RBFOX1: variants seen among roughly 807,000 people sequenced by gnomAD.
The protein encoded by RBFOX1 is RNA binding fox-1 homolog 1, also known as RNA binding protein fox-1 homolog 1.
In RBFOX1, 8 loss-of-function variants were observed where a neutral mutation model predicts 57.7. The observed-to-expected ratio is 0.14, with a 90% CI of 0.08 to 0.25. RBFOX1 has a LOEUF of 0.25. Ranked by LOEUF, RBFOX1 falls within the 10% of genes least tolerant of loss-of-function variation. The probability of loss-of-function intolerance (pLI) is 1.00; values close to 1 mark genes in which losing one functional copy is unlikely to be tolerated. For synonymous variants in RBFOX1, 326 were observed against 222.4 expected (o/e 1.47, Z -4.15); for missense variants, 611 against 548.5 (o/e 1.11, Z -1.14).
At chr16:7,702,892 G>T (rs1464466585) in intron 14 of RBFOX1, among the ~76,000 whole-genome samples, 2 of 152,224 alleles carry the variant, frequency 1.3e-5, no homozygotes, top group African/African-American at 4.8e-5. Flanking sequence ...TGAGGGCAAT[G>T]AAATAGGATG....
At chr16:7,419,862 A>T (rs1372300426) in intron 4 of RBFOX1, among the ~76,000 whole-genome samples, 1 of 149,622 alleles carries the variant, frequency 6.7e-6, no homozygotes, top group Non-Finnish European at 1.5e-5. Context: ...TTCTCCACTA[A>T]TTATACCACT....
At chr16:6,611,148 T>C (rs2098044180) in intron 2 of RBFOX1, among the ~76,000 whole-genome samples, 1 of 152,094 alleles carries the variant, frequency 6.6e-6, no homozygotes, top group South Asian at 2.1e-4. Flanking sequence ...CTTTGTGTAG[T>C]TATTTTTTTG....
intron 12 of RBFOX1, among the ~76,000 whole-genome samples, chr16:7,657,505 A>AT (rs2066605086): frequency 6.6e-6 from 1 of 152,162 alleles, no homozygotes; most frequent in Non-Finnish European, 1.5e-5. Context: ...GGGTTTCACC[A>AT]TTTTGGCCAG....
intron 3 of RBFOX1, among the ~76,000 whole-genome samples, chr16:6,960,357 C>G (rs2082702131): frequency 6.6e-6 from 1 of 152,114 alleles, no homozygotes; most frequent in South Asian, 2.1e-4. Context: ...AGCTTAGAAG[C>G]TGTATAAGCT....
rs191180786 is a variant in RBFOX1, at chr16:5,351,181, C to T, written c.219+111076C>T. The stretch of plus-strand genomic sequence containing the variant: ...CAGACTGTTGACTGTATTGATAATG[C>T]CATATTGATTTATTTAACTCGACTA... On this transcript the variant is annotated intron_variant, in intron 1 of 2. Coordinates refer to the RBFOX1 transcript ENST00000585867. Among the ~76,000 whole-genome samples the T allele has an allele frequency of 6.7e-4, 102 of 152,218 alleles. 1 individual carries two copies. Among genetic ancestry groups the T allele is most frequent in the Admixed American group, 1.4e-3 (22 of 15,282 alleles).
At chr16:6,915,014 G>A (rs1167655723) in intron 3 of RBFOX1, among the ~76,000 whole-genome samples, 2 of 152,216 alleles carry the variant, frequency 1.3e-5, no homozygotes, top group Non-Finnish European at 2.9e-5. Flanking sequence ...CAGGCCCAGG[G>A]TGGTGTAAGT....
intron 3 of RBFOX1, among the ~76,000 whole-genome samples, chr16:6,986,423 T>G (rs1192791707): frequency 1.3e-5 from 2 of 151,962 alleles, no homozygotes; most frequent in Non-Finnish European, 2.9e-5. Context: ...GGTCTGGAAC[T>G]CCTGACCTCA....
At chr16:5,986,444 C>T (rs978683510) in intron 4 of RBFOX1, among the ~76,000 whole-genome samples, 1 of 152,176 alleles carries the variant, frequency 6.6e-6, no homozygotes, top group East Asian at 1.9e-4. Context: ...CAGTTTCTCC[C>T]AGTGTCAACA....
intron 1 of RBFOX1, among the ~76,000 whole-genome samples, chr16:5,347,689 C>G (rs1303862334): frequency 6.8e-6 from 1 of 148,066 alleles, no homozygotes; most frequent in Non-Finnish European, 1.5e-5. Context: ...ATCATGCACT[C>G]TCCTACCCTT....
intron 3 of RBFOX1, among the ~76,000 whole-genome samples, chr16:5,734,800 G>C (rs1005049202): frequency 6.6e-6 from 1 of 152,092 alleles, no homozygotes; most frequent in Admixed American, 6.5e-5. Context: ...GAGCTCAGTG[G>C]GAGCTCATCC....
intron 4 of RBFOX1, among the ~76,000 whole-genome samples, chr16:5,974,796 G>A (rs1022074771): frequency 1.3e-5 from 2 of 152,082 alleles, no homozygotes; most frequent in Admixed American, 6.5e-5. Flanking sequence ...ATCACCTGAG[G>A]TCGGGAGTTC....
At chr16:5,324,982 A>G (rs927591065) in intron 1 of RBFOX1, among the ~76,000 whole-genome samples, 1 of 152,212 alleles carries the variant, frequency 6.6e-6, no homozygotes, top group Non-Finnish European at 1.5e-5. Flanking sequence ...TCCCAGATCT[A>G]TCAGCAAGAT....
rs908288493 is a variant in RBFOX1 at position 6,285,259 on chromosome 16, A to C, written c.-126-31736A>C. 2.0e-5 allele frequency among the ~76,000 whole-genome samples: 3 copies of C among 152,198 alleles called. No homozygotes were observed. The East Asian group carries it at 5.8e-4, about 29-fold the overall frequency. On this transcript the variant is annotated intron_variant, in intron 1 of 15. Coordinates refer to ENST00000550418, the MANE Select transcript of RBFOX1 (RefSeq NM_018723.4). ...AAGCTTAGTAGGAAGTAGATTCTGC[A>C]TAAGCCTCCATGACAAAGGCATTTG...
chr16:5,934,559 T>C (rs1255341247), intron 4 of RBFOX1, among the ~76,000 whole-genome samples: 2 of 152,206 alleles, frequency 1.3e-5, no homozygotes, highest in Non-Finnish European at 2.9e-5. Context: ...GCCTGCAGTA[T>C]GGACAGATCC....
At chr16:5,958,213 T>A (rs1286756436) in intron 4 of RBFOX1, among the ~76,000 whole-genome samples, 3 of 152,212 alleles carry the variant, frequency 2.0e-5, no homozygotes, top group Non-Finnish European at 4.4e-5. Context: ...CTATAAATGT[T>A]TTACTAAAAC....
chr16:6,395,486 C>G (rs1043215595), intron 2 of RBFOX1, among the ~76,000 whole-genome samples: 1 of 151,780 alleles, frequency 6.6e-6, no homozygotes, highest in African/African-American at 2.4e-5. Context: ...TTGTTTTGAC[C>G]TTTTTCTCAT....
At chr16:5,485,136 G>A (rs1310338916) in intron 2 of RBFOX1, among the ~76,000 whole-genome samples, 1 of 151,880 alleles carries the variant, frequency 6.6e-6, no homozygotes, top group East Asian at 1.9e-4. Context: ...GACGAGGTCA[G>A]AAGATCAAGA....
At chr16:6,688,138 A>G (rs895730518) in intron 3 of RBFOX1, among the ~76,000 whole-genome samples, 8 of 152,158 alleles carry the variant, frequency 5.3e-5, no homozygotes, top group Non-Finnish European at 1.0e-4. Flanking sequence ...TACAGGAAGC[A>G]CCACGGCTTC....
chr16:7,122,773 A>C (rs2067488021), intron 4 of RBFOX1, among the ~76,000 whole-genome samples: 1 of 152,210 alleles, frequency 6.6e-6, no homozygotes, highest in African/African-American at 2.4e-5. Flanking sequence ...GTCTGTGTAT[A>C]GCAACTCTAC....
Sources: gnomAD v4.1 joint callset for allele counts (sites outside exome capture counted in the v4.1 genomes callset) on GRCh38, gnomAD v4.1.1 for gene constraint, MANE v1.5 for transcripts, NCBI Gene and HGNC (gene_info 2026-07-23, HGNC 2026-07-21) for gene names.